Variants in CSMD3 observed in about 807,000 individuals in gnomAD.
The protein encoded by CSMD3 is CUB and sushi domain-containing protein 3.
A neutral mutation model predicts 435.2 loss-of-function variants in CSMD3; 177 were observed. The observed-to-expected ratio is 0.41, with a 90% CI of 0.36 to 0.46. The LOEUF (loss-of-function observed/expected upper bound fraction) is 0.46, where lower values mean the gene tolerates loss of function less well. Ranked by LOEUF, CSMD3 falls within the 20% of genes least tolerant of loss-of-function variation. CSMD3 has a pLI of 0.34. For missense variants in CSMD3, 4,265 were observed against 4,504.6 expected, an observed-to-expected ratio of 0.95 and a Z score of 1.52; for synonymous variants, 1,656 against 1,520.5, an observed-to-expected ratio of 1.09 and a Z score of -2.07.
rs1013114954 is a variant in CSMD3 at position 113,205,337 on chromosome 8, C to T, written c.515-31421G>A. On this transcript the variant is annotated intron_variant, in intron 3 of 70. Coordinates refer to ENST00000297405, the MANE Select transcript of CSMD3 (RefSeq NM_198123.2). Reference sequence around the variant, plus strand: ...CTCATGAGAGTTATTATCATGAGAACAACACAAGAAAAGCTTATCCCCATG... The same window carrying T: ...CTCATGAGAGTTATTATCATGAGAATAACACAAGAAAAGCTTATCCCCATG... Among the ~76,000 whole-genome samples, 4 of 152,080 alleles carry T rather than the reference C, an allele frequency of 2.6e-5. No individual in the cohort carries two copies. The East Asian group carries it at 7.7e-4, about 29-fold the overall frequency.
chr8:112,777,726 G>C (rs1284815184), intron 13 of CSMD3, among the ~76,000 whole-genome samples: 1 of 151,718 alleles, frequency 6.6e-6, no homozygotes, highest in East Asian at 1.9e-4. Flanking sequence ...TATTTTGAAT[G>C]AGTTTTTCAA....
At chr8:113,071,065 A>T (rs1009147676) in intron 5 of CSMD3, among the ~76,000 whole-genome samples, 1 of 151,922 alleles carries the variant, frequency 6.6e-6, no homozygotes, top group Non-Finnish European at 1.5e-5. Context: ...TTCCCTGGTG[A>T]GTAGTGATGT....
intron 3 of CSMD3, among the ~76,000 whole-genome samples, chr8:113,189,635 C>G (rs1377521219): frequency 6.6e-6 from 1 of 151,890 alleles, no homozygotes; most frequent in East Asian, 1.9e-4. Flanking sequence ...CATGCAAAGT[C>G]TATAATGGTA....
chr8:113,022,245 A>C (rs2086708933), intron 5 of CSMD3, among the ~76,000 whole-genome samples: 1 of 151,888 alleles, frequency 6.6e-6, no homozygotes, highest in African/African-American at 2.4e-5. Flanking sequence ...ATTCTAAAAT[A>C]TAACTTATTG....
intron 12 of CSMD3, among the ~76,000 whole-genome samples, chr8:112,828,234 T>C (rs1310597770): frequency 6.6e-6 from 1 of 152,172 alleles, no homozygotes; most frequent in East Asian, 1.9e-4. Context: ...AAAATGCTGA[T>C]CATTTTCAAG....
chr8:112,330,436 G>C (rs1171106829), intron 45 of CSMD3, among the ~76,000 whole-genome samples: 2 of 152,124 alleles, frequency 1.3e-5, no homozygotes, highest in East Asian at 3.9e-4. Context: ...CAAGTGACCT[G>C]GATAATTGGC....
chr8:112,309,598 T>G (rs978844348), intron 50 of CSMD3, among the ~76,000 whole-genome samples: 2 of 152,098 alleles, frequency 1.3e-5, no homozygotes, highest in African/African-American at 4.8e-5. Context: ...GTTTTAATAC[T>G]TTATTAAAAT....
intron 17 of CSMD3, among the ~76,000 whole-genome samples, chr8:112,657,291 G>C (rs1476079077): frequency 6.6e-6 from 1 of 151,996 alleles, no homozygotes; most frequent in African/African-American, 2.4e-5. Context: ...TCTAAGTCCT[G>C]ACCTCAAGTG....
At chr8:112,844,535 C>T (rs1363862322) in intron 11 of CSMD3, among the ~76,000 whole-genome samples, 2 of 151,958 alleles carry the variant, frequency 1.3e-5, no homozygotes, top group African/African-American at 2.4e-5. Context: ...AGATAGCTTA[C>T]ATTTGTCCTT....
At chr8:113,229,813 C>A (rs1274363536) in intron 3 of CSMD3, among the ~76,000 whole-genome samples, 1 of 151,630 alleles carries the variant, frequency 6.6e-6, no homozygotes, top group African/African-American at 2.4e-5. Context: ...TCCTTACTCC[C>A]AGTCTCAGAT....
Position 112,947,872 on chromosome 8 carries a change from C to T in CSMD3, c.1426G>A (p.Glu476Lys). The change falls in exon 9 of 71, where the codon GAG becomes AAG. Residue 476 changes from glutamate to lysine, a missense_variant. Physicochemically the swap from Glu to Lys is moderately conservative, Grantham distance 56 (BLOSUM62 1). Coordinates refer to ENST00000297405, the MANE Select transcript of CSMD3 (RefSeq NM_198123.2). The part of the protein sequence containing the change: ...DNSNKFSILN[E>K]GGIKTASNLC... ...TTGGAAGCTGTTTTAATACCTCCCTCATTTACTGCAACAGCAGGGAAAAAA... is the reference window on the plus strand; with the variant it reads ...TTGGAAGCTGTTTTAATACCTCCCTTATTTACTGCAACAGCAGGGAAAAAA... 2 of 1,409,196 alleles carry T rather than the reference C, an allele frequency of 1.4e-6. No homozygotes were observed. Among genetic ancestry groups the T allele is most frequent in the South Asian group, 1.2e-5 (1 of 85,564 alleles). The allele number at this position is 1,409,196 out of a possible 1,614,324, so 87.3% of individuals were successfully genotyped here. A position where few individuals can be genotyped will look rare whatever the true frequency, so the allele number is the denominator to read the frequency against.
intron 2 of CSMD3, chr8:113,312,017 T>C (rs2093873381): frequency 6.6e-6 from 1 of 152,104 alleles, no homozygotes; most frequent in Non-Finnish European, 1.5e-5. Flanking sequence ...AAATATACCT[T>C]TTATTATTAT....
At chr8:112,566,690 T>C (rs1829088991) in intron 24 of CSMD3, among the ~76,000 whole-genome samples, 1 of 152,108 alleles carries the variant, frequency 6.6e-6, no homozygotes, top group African/African-American at 2.4e-5. Context: ...AAAAGGCTAT[T>C]TGGGACTAGG....
intron 36 of CSMD3, among the ~76,000 whole-genome samples, chr8:112,385,210 C>A (rs1457856146): frequency 1.3e-5 from 2 of 152,190 alleles, no homozygotes; most frequent in Non-Finnish European, 2.9e-5. Flanking sequence ...GGCTCCCTCT[C>A]CTCATGGGCA....
intron 32 of CSMD3, among the ~76,000 whole-genome samples, chr8:112,426,493 T>C (rs1361881207): frequency 6.6e-6 from 1 of 152,160 alleles, no homozygotes; most frequent in Non-Finnish European, 1.5e-5. Flanking sequence ...ACTTCACAGA[T>C]TGATACCCCC....
intron 13 of CSMD3, among the ~76,000 whole-genome samples, chr8:112,725,374 G>A (rs924650072): frequency 3.3e-5 from 5 of 151,682 alleles, no homozygotes; most frequent in Admixed American, 6.6e-5. Flanking sequence ...ACCAAAAACA[G>A]GCAAAGATTT....
At chr8:113,021,580 A>G (rs1202078173) in intron 5 of CSMD3, among the ~76,000 whole-genome samples, 2 of 152,192 alleles carry the variant, frequency 1.3e-5, no homozygotes, top group Non-Finnish European at 1.5e-5. Flanking sequence ...AGTTCAGTAC[A>G]TGAGAATCGG....
chr8:113,395,890 T>C (rs145321545), intron 1 of CSMD3, among the ~76,000 whole-genome samples: 33 of 152,282 alleles, frequency 2.2e-4, no homozygotes, highest in African/African-American at 7.5e-4. Flanking sequence ...TGAAGATCCT[T>C]TTCTTTTCTA....
intron 45 of CSMD3, among the ~76,000 whole-genome samples, chr8:112,328,120 C>T (rs1823685041): frequency 6.6e-6 from 1 of 152,196 alleles, no homozygotes; most frequent in African/African-American, 2.4e-5. Context: ...CTTATAAACT[C>T]TAAGCTCTAT....
Sources: allele counts gnomAD v4.1 joint callset (sites outside exome capture counted in the v4.1 genomes callset), GRCh38; gene constraint gnomAD v4.1.1; transcripts MANE v1.5; gene names NCBI Gene and HGNC (gene_info 2026-07-23, HGNC 2026-07-21).